Variants in ANKS1B observed in about 807,000 individuals in gnomAD.
ANKS1B encodes ankyrin repeat and sterile alpha motif domain containing 1B.
A neutral mutation model predicts 148.3 loss-of-function variants in ANKS1B; 36 were observed. That is an observed-to-expected ratio of 0.24 (90% confidence interval 0.19 to 0.32). The LOEUF is 0.32. ANKS1B is among the 10% of genes least tolerant of loss of function. The pLI is 1.00. For missense variants in ANKS1B, 1,157 were observed against 1,542.6 expected (o/e 0.75, Z 4.19); for synonymous variants, 542 against 560.8 (o/e 0.97, Z 0.47).
At chr12:99,262,199 C>T (rs1195949491) in intron 12 of ANKS1B, among the ~76,000 whole-genome samples, 7 of 151,990 alleles carry the variant, frequency 4.6e-5, no homozygotes, top group Non-Finnish European at 7.4e-5. Context: ...ATTCTTATTC[C>T]CTTCCCTGCT....
At chr12:98,919,848 C>T (rs1198553674) in intron 17 of ANKS1B, among the ~76,000 whole-genome samples, 1 of 152,162 alleles carries the variant, frequency 6.6e-6, no homozygotes, top group African/African-American at 2.4e-5. Context: ...TGCAATGCAA[C>T]AGCCAGTTCC....
chr12:99,310,717 A>G (rs1221073048), intron 12 of ANKS1B, among the ~76,000 whole-genome samples: 1 of 152,124 alleles, frequency 6.6e-6, no homozygotes, highest in Non-Finnish European at 1.5e-5. Flanking sequence ...GAGTCACCCT[A>G]TAGATCTTGG....
At chr12:99,148,603 A>G (rs1305929900) in intron 15 of ANKS1B, among the ~76,000 whole-genome samples, 2 of 152,128 alleles carry the variant, frequency 1.3e-5, no homozygotes, top group Non-Finnish European at 2.9e-5. Context: ...ATTAAATAAC[A>G]ATTGGAAAGA....
At chr12:99,312,755 G>A (rs903133980) in intron 12 of ANKS1B, among the ~76,000 whole-genome samples, 1 of 151,826 alleles carries the variant, frequency 6.6e-6, no homozygotes, top group Non-Finnish European at 1.5e-5. Context: ...CATGGAACAG[G>A]CATAGAATGT....
At chr12:98,937,096 A>T (rs2152993497) in intron 17 of ANKS1B, among the ~76,000 whole-genome samples, 1 of 152,290 alleles carries the variant, frequency 6.6e-6, no homozygotes, top group East Asian at 1.9e-4. Context: ...CCCTATCTGT[A>T]GTTGTCTCAA....
intron 12 of ANKS1B, among the ~76,000 whole-genome samples, chr12:99,279,084 C>T (rs190026753): frequency 1.1e-3 from 164 of 152,258 alleles, no homozygotes; most frequent in African/African-American, 3.8e-3. Flanking sequence ...TCACCACATG[C>T]CCATTCACTG....
At chr12:99,527,575 C>A (rs1159595514) in intron 9 of ANKS1B, among the ~76,000 whole-genome samples, 2 of 152,082 alleles carry the variant, frequency 1.3e-5, no homozygotes, top group Non-Finnish European at 2.9e-5. Context: ...ACAATTATCC[C>A]AGGTCATGTT....
At chr12:99,290,911 G>T (rs2079873641) in intron 12 of ANKS1B, among the ~76,000 whole-genome samples, 1 of 151,960 alleles carries the variant, frequency 6.6e-6, no homozygotes, top group Admixed American at 6.6e-5. Flanking sequence ...ATATAATACT[G>T]GAAGTCCTAG....
Position 99,958,601 on chromosome 12 carries a change from T to G in ANKS1B, c.134+25503A>C, listed in dbSNP as rs531930726. ...GGTTTCGCCATGTTGGCCAGGCTGG[T>G]CTCTAACTCCTGAGCTCAAACAATC... On this transcript the variant is annotated intron_variant, in intron 1 of 26. Coordinates refer to ENST00000683438, the MANE Select transcript of ANKS1B (RefSeq NM_001352186.2). Among the ~76,000 whole-genome samples the G allele has an allele frequency of 9.2e-5, 14 of 152,190 alleles. 1 individual carries two copies. In the South Asian group the frequency reaches 2.7e-3, roughly 29 times the overall value.
At chr12:99,414,193 A>G (rs2094818686) in intron 11 of ANKS1B, among the ~76,000 whole-genome samples, 1 of 151,968 alleles carries the variant, frequency 6.6e-6, no homozygotes, top group Non-Finnish European at 1.5e-5. Context: ...CAACCGTATT[A>G]CCTGCAAAAA....
At chr12:99,182,518 G>C (rs1257594881) in intron 14 of ANKS1B, among the ~76,000 whole-genome samples, 1 of 151,958 alleles carries the variant, frequency 6.6e-6, no homozygotes, top group Non-Finnish European at 1.5e-5. Flanking sequence ...TGGCTGAATA[G>C]TACTCCATTG....
intron 8 of ANKS1B, among the ~76,000 whole-genome samples, chr12:99,714,404 A>T (rs956954111): frequency 6.6e-6 from 1 of 152,112 alleles, no homozygotes; most frequent in African/African-American, 2.4e-5. Context: ...CTTTGCACAT[A>T]TTGCCTTTTT....
chr12:99,930,126 A>G (rs1308347096), intron 1 of ANKS1B, among the ~76,000 whole-genome samples: 2 of 151,812 alleles, frequency 1.3e-5, no homozygotes, highest in East Asian at 1.9e-4. Context: ...CTTCCTACCC[A>G]TGAGCATGGA....
At chr12:99,378,966 C>A (rs2093522046) in intron 12 of ANKS1B, among the ~76,000 whole-genome samples, 1 of 152,128 alleles carries the variant, frequency 6.6e-6, no homozygotes, top group South Asian at 2.1e-4. Flanking sequence ...CTCTTCCATC[C>A]ATTTGTAATG....
chr12:98,873,878 C>A (rs2099679652), intron 17 of ANKS1B, among the ~76,000 whole-genome samples: 1 of 152,100 alleles, frequency 6.6e-6, no homozygotes, highest in African/African-American at 2.4e-5. Context: ...GCAAAAGCAG[C>A]TGAGTTAATG....
At chr12:98,794,437 G>A in intron 22 of ANKS1B, 3 of 206,878 alleles carry the variant, frequency 1.5e-5, no homozygotes, top group Admixed American at 6.2e-5. Flanking sequence ...TTCCTCTCAA[G>A]CTTGGCAAGC....
At chr12:99,187,571 G>A (rs2080044288) in intron 14 of ANKS1B, among the ~76,000 whole-genome samples, 1 of 152,162 alleles carries the variant, frequency 6.6e-6, no homozygotes, top group Admixed American at 6.6e-5. Context: ...TTTCAACCCA[G>A]AATTTCATAT....
rs968551122 is a variant in ANKS1B, at chr12:99,623,213, T to TA, written c.1272+31853dup. On this transcript the variant is annotated intron_variant, in intron 9 of 26. Transcript: ENST00000683438. ...ATAAAATCTAACATCTCTTCATGATTAAAAAAAAATCCATCAAAAAACTAG... is the reference window on the plus strand; with the variant it reads ...ATAAAATCTAACATCTCTTCATGATTAAAAAAAAAATCCATCAAAAAACTAG... Among the ~76,000 whole-genome samples, 29 of 151,210 alleles carry TA rather than the reference T, an allele frequency of 1.9e-4. No homozygotes were observed. In the South Asian group the frequency reaches 2.9e-3, roughly 15 times the overall value.
chr12:99,730,833 T>G (rs2059067266), intron 8 of ANKS1B, among the ~76,000 whole-genome samples: 1 of 152,198 alleles, frequency 6.6e-6, no homozygotes, highest in African/African-American at 2.4e-5. Context: ...GAATAAACGT[T>G]TCTTCATCTA....
Sources: allele counts gnomAD v4.1 joint callset (sites outside exome capture counted in the v4.1 genomes callset), GRCh38; gene constraint gnomAD v4.1.1; transcripts MANE v1.5; gene names NCBI Gene and HGNC (gene_info 2026-07-23, HGNC 2026-07-21).